The following LRRC37A variants were observed in gnomAD, a reference collection of about 807,000 sequenced individuals.
The protein encoded by LRRC37A is leucine-rich repeat-containing protein 37A.
Under a neutral mutation model 35.4 loss-of-function variants are expected in LRRC37A, and 3 were observed. That is an observed-to-expected ratio of 0.08 (90% CI 0.04 to 0.22). The LOEUF is 0.22. LRRC37A is among the 10% of genes least tolerant of loss of function. LRRC37A has a pLI of 1.00. For missense variants in LRRC37A, 67 were observed against 565.3 expected (o/e 0.12, Z 8.94); for synonymous variants, 23 against 215.0 (o/e 0.11, Z 7.81).
At chr17:46,311,373 T>C (rs968989619) in intron 5 of LRRC37A, 1 of 308,790 alleles carries the variant, frequency 3.2e-6, no homozygotes, top group African/African-American at 2.4e-5. Context: ...TTTGACTACC[T>C]TCTTCCATGG....
chr17:46,335,067 G>A lies in LRRC37A; in HGVS notation c.4810-478G>A, dbSNP rs1441948787. On this transcript the variant is annotated intron_variant, in intron 10 of 13. Transcript: ENST00000320254. ...AAAAAAAAAATAGCCAGGTGTGGTA[G>A]TATGCACCTGTAGTCTCAGCTACTC... Among the ~76,000 whole-genome samples, 3 of 38,060 alleles carry A rather than the reference G, an allele frequency of 7.9e-5. 1 individual carries two copies. Among genetic ancestry groups the A allele is most frequent in the African/African-American group, 1.2e-4 (3 of 25,944 alleles). The allele number at this position is 38,060 out of a possible 152,430, so 25.0% of individuals were successfully genotyped here.
At chr17:46,280,589 T>TTTC in the LRRC37A span, among the ~76,000 whole-genome samples, 3 of 149,562 alleles carry the variant, frequency 2.0e-5, no homozygotes, top group Non-Finnish European at 4.4e-5. Context: ...TTTTTTTTTT[T>TTTC]CCTGAGCAGA....
chr17:46,327,029 A>G (rs1200439926), intron 7 of LRRC37A, among the ~76,000 whole-genome samples: 1 of 84,274 alleles, frequency 1.2e-5, no homozygotes, highest in Admixed American at 1.2e-4. Flanking sequence ...TCATGTCTTC[A>G]TTTCCTTTAA....
chr17:46,277,819 G>A, the LRRC37A span, among the ~76,000 whole-genome samples: 1 of 124,860 alleles, frequency 8.0e-6, no homozygotes, highest in South Asian at 2.3e-4. Context: ...GCTAATTTTT[G>A]TATTTTTAGT....
the LRRC37A span, among the ~76,000 whole-genome samples, chr17:46,270,433 C>T: frequency 6.6e-6 from 1 of 152,138 alleles, no homozygotes; most frequent in Non-Finnish European, 1.5e-5. Flanking sequence ...GAGTATTTTC[C>T]AAAAATGAGT....
At chr17:46,283,520 T>C in the LRRC37A span, among the ~76,000 whole-genome samples, 2 of 152,368 alleles carry the variant, frequency 1.3e-5, no homozygotes, top group African/African-American at 4.8e-5. Context: ...AAATACTTTA[T>C]ATTAGGTGAT....
chr17:46,254,749 C>G, the LRRC37A span, among the ~76,000 whole-genome samples: 1 of 151,766 alleles, frequency 6.6e-6, no homozygotes, highest in African/African-American at 2.4e-5. Flanking sequence ...CCATGTTGGC[C>G]AGGCTGGTCT....
At chr17:46,278,531 G>C in the LRRC37A span, among the ~76,000 whole-genome samples, 1 of 151,650 alleles carries the variant, frequency 6.6e-6, no homozygotes, top group Non-Finnish European at 1.5e-5. Flanking sequence ...AGCCTCCTGA[G>C]TAGCTGGGAT....
the LRRC37A span, among the ~76,000 whole-genome samples, chr17:46,279,190 T>C: frequency 2.0e-5 from 3 of 150,618 alleles, no homozygotes; most frequent in East Asian, 3.9e-4. Context: ...TTTTCTTTTT[T>C]TTTTTTTTTT....
At chr17:46,259,804 C>T in the LRRC37A span, 1 of 1,561,296 alleles carries the variant, frequency 6.4e-7, no homozygotes, top group Non-Finnish European at 8.7e-7. Context: ...CACAGGGCTG[C>T]CCAGCTTCAT....
the LRRC37A span, among the ~76,000 whole-genome samples, chr17:46,278,817 C>T: frequency 6.6e-6 from 1 of 151,336 alleles, no homozygotes; most frequent in Admixed American, 6.6e-5. Flanking sequence ...TTTTTTTTGA[C>T]ACGGAATTTT....
the LRRC37A span, chr17:46,267,478 C>T: frequency 1.2e-6 from 2 of 1,612,482 alleles, no homozygotes; most frequent in Admixed American, 1.7e-5. Context: ...TAGTCCTGGA[C>T]TCCTCCAGCT....
At chr17:46,261,809 G>A in the LRRC37A span, among the ~76,000 whole-genome samples, 4 of 151,726 alleles carry the variant, frequency 2.6e-5, no homozygotes, top group African/African-American at 4.8e-5. Context: ...TGATAAAACC[G>A]GGTTATACTT....
At chr17:46,304,889 G>A (rs1240455608) in intron 3 of LRRC37A, among the ~76,000 whole-genome samples, 5 of 66,998 alleles carry the variant, frequency 7.5e-5, no homozygotes, top group African/African-American at 1.8e-4. Flanking sequence ...GTTTGTTTGA[G>A]ACGGAATCTC....
the LRRC37A span, among the ~76,000 whole-genome samples, chr17:46,249,076 A>G: frequency 6.6e-6 from 1 of 152,058 alleles, no homozygotes; most frequent in East Asian, 1.9e-4. Flanking sequence ...CTATATACAA[A>G]CATTATGTCA....
the LRRC37A span, among the ~76,000 whole-genome samples, chr17:46,276,834 CACTCTGTA>C: frequency 7.1e-6 from 1 of 140,692 alleles, no homozygotes; most frequent in Admixed American, 7.7e-5. Flanking sequence ...GACAGGGTCT[CACTCTGTA>C]GCCCAGTCTG....
rs1249435787 is a variant in LRRC37A at position 46,317,234 on chromosome 17, G to C, written c.2907-5088G>C. Among the ~76,000 whole-genome samples the C allele has an allele frequency of 6.2e-5, 5 of 80,508 alleles. 1 individual carries two copies. The highest frequency in any genetic ancestry group is 1.6e-4 in the African/African-American group (5 of 31,666). The allele number at this position is 80,508 out of a possible 152,430, so 52.8% of individuals were successfully genotyped here. A position where few individuals can be genotyped will look rare whatever the true frequency, so the allele number is the denominator to read the frequency against. On this transcript the variant is annotated intron_variant, in intron 5 of 13. Transcript: ENST00000320254. ...TGTAGAGACAGGGTTTTACTCTATT[G>C]CCAGTGCTGGTATCCAACTCCTGGC... is the stretch of plus-strand genomic sequence containing the variant.
At chr17:46,258,707 CTTTTTTTTTTTT>C in the LRRC37A span, among the ~76,000 whole-genome samples, 2 of 81,138 alleles carry the variant, frequency 2.5e-5, no homozygotes, top group East Asian at 4.0e-4. Flanking sequence ...GACTATTATT[CTTTTTTTTTTTT>C]TTTTTTTTTT....
chr17:46,260,569 C>G, the LRRC37A span: 1 of 1,560,034 alleles, frequency 6.4e-7, no homozygotes, highest in African/African-American at 1.3e-5. Context: ...CGCCTTCACC[C>G]TCTCACACCA....
Sources: gnomAD v4.1 joint callset for allele counts (sites outside exome capture counted in the v4.1 genomes callset) on GRCh38, gnomAD v4.1.1 for gene constraint, MANE v1.5 for transcripts, NCBI Gene and HGNC (gene_info 2026-07-23, HGNC 2026-07-21) for gene names.